The following SOX5 variants were observed in gnomAD, a reference collection of about 807,000 sequenced individuals.
SOX5 encodes SRY-box transcription factor 5.
SOX5 carries 9 observed loss-of-function variants against 92.0 expected under a neutral mutation model. The observed-to-expected ratio is 0.10, with a 90% CI of 0.06 to 0.17. The LOEUF (loss-of-function observed/expected upper bound fraction) is 0.17. SOX5 is among the 10% of genes least tolerant of loss of function. The pLI is 1.00. For synonymous variants in SOX5, 344 were observed against 336.3 expected, an observed-to-expected ratio of 1.02 and a Z score of -0.25; for missense variants, 642 against 944.5, an observed-to-expected ratio of 0.68 and a Z score of 4.20.
intron 11 of SOX5, among the ~76,000 whole-genome samples, chr12:23,559,451 T>C (rs1421775068): frequency 6.6e-6 from 1 of 152,144 alleles, no homozygotes; most frequent in Non-Finnish European, 1.5e-5. Context: ...TTCTTGGGTA[T>C]GATGAAACAC....
At chr12:23,646,555 A>G (rs1451725231) in intron 7 of SOX5, among the ~76,000 whole-genome samples, 1 of 152,228 alleles carries the variant, frequency 6.6e-6, no homozygotes, top group African/African-American at 2.4e-5. Context: ...ATGTGATGCT[A>G]ATTGATAGCA....
At chr12:24,246,644 A>C (rs1000134222) in intron 3 of SOX5, among the ~76,000 whole-genome samples, 1 of 152,198 alleles carries the variant, frequency 6.6e-6, no homozygotes, top group African/African-American at 2.4e-5. Context: ...TACAGGTGCA[A>C]AGTAAAAGAA....
At chr12:23,688,852 G>T (rs1421042239) in intron 6 of SOX5, among the ~76,000 whole-genome samples, 1 of 152,072 alleles carries the variant, frequency 6.6e-6, no homozygotes, top group African/African-American at 2.4e-5. Flanking sequence ...ATTTCAAAAA[G>T]TATCTGAAAG....
At chr12:24,117,540 A>G (rs528808432) in intron 4 of SOX5, among the ~76,000 whole-genome samples, 1 of 152,290 alleles carries the variant, frequency 6.6e-6, no homozygotes, top group South Asian at 2.1e-4. Context: ...AGCACTCTTC[A>G]CAGAAGCCAA....
chr12:24,464,812 A>G (rs1944046540), intron 1 of SOX5, among the ~76,000 whole-genome samples: 1 of 152,238 alleles, frequency 6.6e-6, no homozygotes, highest in South Asian at 2.1e-4. Flanking sequence ...CAGTTATTAC[A>G]TAGTAAGAAG....
At position 23,983,014 on chromosome 12, in the gene SOX5, A is replaced by G. The variant is rs1020288939; in HGVS notation, c.-1-86990T>C. ...AGCACTTTTCAGGTTTTTGCAAACC[A>G]CTAGCCCAGCACGATCAAGATCCTG... On this transcript the variant is annotated intron_variant, in intron 4 of 4. Coordinates refer to the SOX5 transcript ENST00000446891. 3.3e-5 allele frequency among the ~76,000 whole-genome samples: 5 copies of G among 152,038 alleles called. No individual in the cohort carries two copies. The East Asian group carries it at 9.7e-4, about 29-fold the overall frequency.
At chr12:23,918,474 G>A (rs923578917) in intron 1 of SOX5, among the ~76,000 whole-genome samples, 8 of 152,164 alleles carry the variant, frequency 5.3e-5, no homozygotes, top group Non-Finnish European at 8.8e-5. Flanking sequence ...AAATGAGATC[G>A]AAAATTTTGC....
Position 23,543,242 on chromosome 12 carries a change from G to A in SOX5, c.1740C>T (p.Asp580=), listed in dbSNP as rs1376642001. The A allele has an allele frequency of 3.1e-6, 5 of 1,613,798 alleles. No homozygotes were observed. The South Asian group carries it at 5.5e-5, about 18-fold the overall frequency. The change falls in exon 13 of 15, where the codon GAC becomes GAT. Residue 580 remains aspartate (D), a synonymous_variant. Coordinates refer to ENST00000451604, the MANE Select transcript of SOX5 (RefSeq NM_006940.6). The part of the protein sequence containing the change: ...ERRKILQAFP[D]MHNSNISKIL... Reference sequence around the variant, plus strand: ...TCTTGCTGATGTTGGAGTTGTGCATGTCAGGAAAGGCTTGAAGGATCTTTC... The same window carrying A: ...TCTTGCTGATGTTGGAGTTGTGCATATCAGGAAAGGCTTGAAGGATCTTTC...
chr12:23,542,157 A>G (rs1942204390), intron 13 of SOX5, among the ~76,000 whole-genome samples: 1 of 152,228 alleles, frequency 6.6e-6, no homozygotes, highest in South Asian at 2.1e-4. Context: ...ATGATCTGTA[A>G]TGAATCAAAA....
intron 6 of SOX5, among the ~76,000 whole-genome samples, chr12:23,703,469 T>C (rs1269985875): frequency 6.6e-6 from 1 of 151,862 alleles, no homozygotes; most frequent in African/African-American, 2.4e-5. Context: ...TGAAAGTTGC[T>C]TACAAACAAC....
chr12:24,510,624 T>C (rs184575209), intron 1 of SOX5, among the ~76,000 whole-genome samples: 1 of 152,306 alleles, frequency 6.6e-6, no homozygotes, highest in East Asian at 1.9e-4. Flanking sequence ...GGCAAGCTTT[T>C]AAAAAACACG....
At chr12:24,013,733 T>C (rs1024832656) in intron 4 of SOX5, among the ~76,000 whole-genome samples, 1 of 152,172 alleles carries the variant, frequency 6.6e-6, no homozygotes, top group Non-Finnish European at 1.5e-5. Flanking sequence ...AAGGCTGAAG[T>C]TTGAGATATA....
chr12:24,017,796 A>T (rs1953825123), intron 4 of SOX5, among the ~76,000 whole-genome samples: 1 of 151,876 alleles, frequency 6.6e-6, no homozygotes, highest in African/African-American at 2.4e-5. Flanking sequence ...CTTCCCTATC[A>T]CCGTCACTTT....
intron 7 of SOX5, among the ~76,000 whole-genome samples, chr12:23,658,390 T>A (rs2082587434): frequency 6.6e-6 from 1 of 152,218 alleles, no homozygotes; most frequent in Non-Finnish European, 1.5e-5. Flanking sequence ...TTTTCAATCA[T>A]TTCATATTTT....
intron 9 of SOX5, among the ~76,000 whole-genome samples, chr12:23,588,588 T>C (rs572299115): frequency 1.8e-4 from 28 of 152,096 alleles, no homozygotes; most frequent in East Asian, 3.9e-4. Flanking sequence ...TTGATCATAC[T>C]TTTTAGAAAG....
chr12:24,196,319 G>T (rs1252619220), intron 4 of SOX5, among the ~76,000 whole-genome samples: 2 of 152,190 alleles, frequency 1.3e-5, no homozygotes, highest in African/African-American at 4.8e-5. Flanking sequence ...CACTCACAAT[G>T]ACATGATAAA....
intron 6 of SOX5, among the ~76,000 whole-genome samples, chr12:23,705,011 C>T (rs889909952): frequency 2.0e-5 from 3 of 151,532 alleles, no homozygotes; most frequent in African/African-American, 4.8e-5. Context: ...TTACCTTAAA[C>T]GTTCTATCTA....
At chr12:24,363,130 C>G (rs919195328) in intron 2 of SOX5, among the ~76,000 whole-genome samples, 3 of 152,020 alleles carry the variant, frequency 2.0e-5, no homozygotes, top group Non-Finnish European at 4.4e-5. Flanking sequence ...TGAAAATTCA[C>G]CTGTGAAATA....
chr12:24,064,828 G>A (rs919914952), intron 4 of SOX5, among the ~76,000 whole-genome samples: 2 of 152,144 alleles, frequency 1.3e-5, no homozygotes, highest in African/African-American at 4.8e-5. Context: ...AAATCTTCCT[G>A]CTAATACATA....
Sources: gnomAD v4.1 joint callset for allele counts (sites outside exome capture counted in the v4.1 genomes callset) on GRCh38, gnomAD v4.1.1 for gene constraint, MANE v1.5 for transcripts, NCBI Gene and HGNC (gene_info 2026-07-23, HGNC 2026-07-21) for gene names.